Variants in DLGAP1 observed in about 807,000 individuals in gnomAD.
The protein encoded by DLGAP1 is disks large-associated protein 1.
In DLGAP1, 11 loss-of-function variants were observed where a neutral mutation model predicts 90.8. The ratio of observed to expected loss-of-function variants is 0.12; its 90% CI spans 0.08 to 0.20. The LOEUF is 0.20. DLGAP1 is among the 10% of genes least tolerant of loss of function. The pLI, the probability that DLGAP1 is intolerant of heterozygous loss-of-function variation, is 1.00. For missense variants in DLGAP1, 1,050 were observed against 1,333.8 expected, an observed-to-expected ratio of 0.79 and a Z score of 3.31; for synonymous variants, 558 against 540.7, an observed-to-expected ratio of 1.03 and a Z score of -0.44.
intron 2 of DLGAP1, among the ~76,000 whole-genome samples, chr18:4,031,117 A>G (rs1241819925): frequency 6.6e-6 from 1 of 152,144 alleles, no homozygotes; most frequent in African/African-American, 2.4e-5. Context: ...GTCCAGCATG[A>G]CAAATCATTG....
intron 2 of DLGAP1, among the ~76,000 whole-genome samples, chr18:4,096,414 A>T (rs1454855670): frequency 6.6e-6 from 1 of 152,200 alleles, no homozygotes; most frequent in African/African-American, 2.4e-5. Context: ...GGCCTGTGAA[A>T]ATGTAAACCC....
intron 7 of DLGAP1, among the ~76,000 whole-genome samples, chr18:3,645,083 C>T (rs947051107): frequency 1.3e-5 from 2 of 151,988 alleles, no homozygotes; most frequent in Admixed American, 6.6e-5. Flanking sequence ...ATGCATTTTT[C>T]CCTCGTATTT....
At chr18:4,391,642 A>G (rs1383098730) in intron 1 of DLGAP1, among the ~76,000 whole-genome samples, 1 of 152,122 alleles carries the variant, frequency 6.6e-6, no homozygotes, top group Non-Finnish European at 1.5e-5. Flanking sequence ...AATTTAAATA[A>G]CCTGGTCCTT....
intron 1 of DLGAP1, among the ~76,000 whole-genome samples, chr18:4,230,081 A>G (rs1296556036): frequency 2.0e-5 from 3 of 152,124 alleles, no homozygotes; most frequent in Non-Finnish European, 4.4e-5. Flanking sequence ...TAAAACTACA[A>G]TGCTATAGCA....
chr18:3,621,512 C>T (rs1599583318), intron 7 of DLGAP1, among the ~76,000 whole-genome samples: 1 of 152,238 alleles, frequency 6.6e-6, no homozygotes, highest in East Asian at 1.9e-4. Flanking sequence ...GTAACCTACT[C>T]TTGTGCCAAT....
At chr18:3,600,719 T>A (rs554713214) in intron 7 of DLGAP1, among the ~76,000 whole-genome samples, 1 of 61,266 alleles carries the variant, frequency 1.6e-5, no homozygotes, top group Non-Finnish European at 3.1e-5. Flanking sequence ...TATATAGATA[T>A]AGAGATATAG....
At chr18:4,059,482 C>A (rs1193930668) in intron 2 of DLGAP1, among the ~76,000 whole-genome samples, 1 of 152,182 alleles carries the variant, frequency 6.6e-6, no homozygotes, top group East Asian at 1.9e-4. Context: ...GAGGCCAAGA[C>A]AGGTGGATCA....
intron 3 of DLGAP1, among the ~76,000 whole-genome samples, chr18:3,935,758 T>G (rs1343980590): frequency 6.6e-6 from 1 of 152,210 alleles, no homozygotes; most frequent in African/African-American, 2.4e-5. Flanking sequence ...AGATGGGGAC[T>G]GTCATGATCA....
chr18:3,651,711 G>T (rs1018140330), intron 7 of DLGAP1, among the ~76,000 whole-genome samples: 1 of 151,828 alleles, frequency 6.6e-6, no homozygotes, highest in Non-Finnish European at 1.5e-5. Flanking sequence ...AGTGGCTCAC[G>T]CCTGTAATCC....
At chr18:3,718,231 TG>T (rs2061831134) in intron 7 of DLGAP1, among the ~76,000 whole-genome samples, 1 of 151,262 alleles carries the variant, frequency 6.6e-6, no homozygotes. Flanking sequence ...GAGGCTGAGG[TG>T]GGCGGATCAC....
intron 1 of DLGAP1, among the ~76,000 whole-genome samples, chr18:4,155,119 T>C (rs1332878333): frequency 6.7e-6 from 1 of 149,844 alleles, no homozygotes; most frequent in African/African-American, 2.5e-5. Context: ...TGTGAGGGAG[T>C]GAGTCCCATG....
At chr18:4,238,602 GTAAC>G (rs1431429826) in intron 1 of DLGAP1, among the ~76,000 whole-genome samples, 1 of 152,204 alleles carries the variant, frequency 6.6e-6, no homozygotes, top group South Asian at 2.1e-4. Context: ...AACTTACTCA[GTAAC>G]TACTTGCTGA....
intron 1 of DLGAP1, among the ~76,000 whole-genome samples, chr18:4,173,305 T>C (rs2077053876): frequency 6.6e-6 from 1 of 152,136 alleles, no homozygotes; most frequent in South Asian, 2.1e-4. Context: ...TATATAGACT[T>C]TCTTTACTAT....
At chr18:4,327,468 T>C (rs1261603168) in intron 1 of DLGAP1, among the ~76,000 whole-genome samples, 3 of 152,112 alleles carry the variant, frequency 2.0e-5, no homozygotes, top group Non-Finnish European at 2.9e-5. Flanking sequence ...AAATCAATTT[T>C]AGTAGAATTA....
intron 4 of DLGAP1, chr18:3,874,247 C>A: frequency 6.5e-7 from 1 of 1,549,884 alleles, no homozygotes; most frequent in Non-Finnish European, 8.7e-7. Context: ...CCTAAAATTT[C>A]ATCTCTGGGA....
intron 1 of DLGAP1, among the ~76,000 whole-genome samples, chr18:4,229,832 G>A (rs1481005098): frequency 6.6e-6 from 1 of 151,886 alleles, no homozygotes; most frequent in Non-Finnish European, 1.5e-5. Context: ...CACAGCAAAG[G>A]GAACAATCAA....
intron 4 of DLGAP1, among the ~76,000 whole-genome samples, chr18:3,842,896 G>GTTT (rs1425714434): frequency 1.3e-5 from 2 of 151,656 alleles, no homozygotes; most frequent in Non-Finnish European, 3.0e-5. Flanking sequence ...ACCAAGTCCA[G>GTTT]TGATACTTTA....
At chr18:4,014,818 C>A (rs185038879) in intron 2 of DLGAP1, among the ~76,000 whole-genome samples, 1 of 152,156 alleles carries the variant, frequency 6.6e-6, no homozygotes, top group Non-Finnish European at 1.5e-5. Context: ...GTAGACACTG[C>A]GGAAGTATTT....
intron 7 of DLGAP1, chr18:3,604,002 G>A (rs886702974): frequency 2.6e-5 from 4 of 154,398 alleles, no homozygotes; most frequent in African/African-American, 4.8e-5. Context: ...CGTGCATGAA[G>A]AAGAAAGTTA....
Sources: allele counts gnomAD v4.1 joint callset (sites outside exome capture counted in the v4.1 genomes callset), GRCh38; gene constraint gnomAD v4.1.1; transcripts MANE v1.5; gene names NCBI Gene and HGNC (gene_info 2026-07-23, HGNC 2026-07-21).